The following RORB variants were observed in gnomAD, a reference collection of about 807,000 sequenced individuals.
The protein encoded by RORB is nuclear receptor ROR-beta.
RORB carries 6 observed loss-of-function variants against 59.1 expected under a neutral mutation model. The ratio of observed to expected loss-of-function variants is 0.10; its 90% CI spans 0.06 to 0.20. The LOEUF (loss-of-function observed/expected upper bound fraction) is 0.20, where lower values mean the gene tolerates loss of function less well. Ranked by LOEUF, RORB falls within the 10% of genes least tolerant of loss-of-function variation. The pLI is 1.00. For synonymous variants in RORB, 215 were observed against 204.5 expected, an observed-to-expected ratio of 1.05 and a Z score of -0.44; for missense variants, 320 against 560.5, an observed-to-expected ratio of 0.57 and a Z score of 4.33.
chr9:74,560,167 G>A (rs1218555193), intron 1 of RORB, among the ~76,000 whole-genome samples: 3 of 152,040 alleles, frequency 2.0e-5, no homozygotes, highest in Non-Finnish European at 4.4e-5. Context: ...CATACAATAC[G>A]TCGTTTAGGA....
intron 1 of RORB, among the ~76,000 whole-genome samples, chr9:74,576,784 A>G (rs1029946649): frequency 3.9e-5 from 6 of 152,122 alleles, no homozygotes; most frequent in Admixed American, 1.3e-4. Context: ...ACATTCTTAT[A>G]TAATAATGAT....
intron 1 of RORB, among the ~76,000 whole-genome samples, chr9:74,604,216 A>G (rs1489615079): frequency 2.0e-5 from 3 of 152,206 alleles, no homozygotes; most frequent in African/African-American, 7.2e-5. Context: ...ATATTATTTG[A>G]ATCCTTGCCT....
chr9:74,611,787 A>G (rs1223120203), intron 1 of RORB, among the ~76,000 whole-genome samples: 1 of 152,178 alleles, frequency 6.6e-6, no homozygotes, highest in African/African-American at 2.4e-5. Flanking sequence ...AGCTGAGATT[A>G]TAGGCACCCA....
intron 4 of RORB, among the ~76,000 whole-genome samples, chr9:74,651,054 G>A (rs1454668028): frequency 2.0e-5 from 3 of 152,182 alleles, no homozygotes; most frequent in South Asian, 2.1e-4. Flanking sequence ...TGACCCATTG[G>A]TTGTCCTTTG....
intron 1 of RORB, among the ~76,000 whole-genome samples, chr9:74,587,727 T>C (rs1822822916): frequency 6.6e-6 from 1 of 152,196 alleles, no homozygotes; most frequent in South Asian, 2.1e-4. Flanking sequence ...TCACATGTGA[T>C]CTTAGCATTC....
At chr9:74,514,804 A>G (rs4744718) in intron 1 of RORB, among the ~76,000 whole-genome samples, 46,257 of 151,124 alleles carry the variant, frequency 0.31, 7,488 homozygotes, top group Admixed American at 0.4. Flanking sequence ...GACCACAGTT[A>G]CTAGAATGAA....
Position 74,685,489 on chromosome 9 carries a change from G to A in RORB, c.1251G>A (p.Thr417=), listed in dbSNP as rs753124521. 12 of 1,612,018 alleles carry A rather than the reference G, an allele frequency of 7.4e-6. No homozygotes were observed. The highest frequency in any genetic ancestry group is 2.7e-5 in the African/African-American group (2 of 74,850). ...TAATAGCCAAGATACCAACCATCAC[G>A]GCAGTTTGCAACTTGCACGGGGAGA... The part of the protein sequence containing the change: ...AKLIAKIPTI[T]AVCNLHGEKL... The change falls in exon 10 of 10, where the codon ACG becomes ACA. Residue 417 remains threonine, a synonymous_variant. Transcript: ENST00000376896.
intron 3 of RORB, among the ~76,000 whole-genome samples, chr9:74,641,213 G>A (rs1249900594): frequency 1.4e-5 from 2 of 144,292 alleles, no homozygotes; most frequent in Non-Finnish European, 3.1e-5. Flanking sequence ...GACTCAGGAT[G>A]TTCACATCCT....
Position 74,618,304 on chromosome 9 carries a change from T to A in RORB, c.8-11978T>A, listed in dbSNP as rs191783201. On this transcript the variant is annotated intron_variant, in intron 1 of 9. Coordinates refer to ENST00000376896, the MANE Select transcript of RORB (RefSeq NM_006914.4). ...ATACAGGCAAATTGTTAAGATGTTA[T>A]GAACCAGTTAAAGTTACTATTAGAT... Among the ~76,000 whole-genome samples the A allele has an allele frequency of 4.3e-3, 265 of 61,674 alleles. 2 individuals carry two copies. The highest frequency in any genetic ancestry group is 9.8e-3 in the Middle Eastern group (1 of 102). 40.5% of individuals were successfully genotyped at this position (61,674 alleles called of 152,430 possible).
chr9:74,593,466 T>TAAAA (rs11343707), intron 1 of RORB, among the ~76,000 whole-genome samples: 4 of 124,818 alleles, frequency 3.2e-5, no homozygotes, highest in Admixed American at 1.6e-4. Context: ...AAACTCCATC[T>TAAAA]AAAAAAAAAA....
At position 74,603,833 on chromosome 9, in the gene RORB, G is replaced by A. The variant is rs549190431; in HGVS notation, c.8-26449G>A. Among the ~76,000 whole-genome samples, 9 of 152,316 alleles carry A rather than the reference G, an allele frequency of 5.9e-5. No individual in the cohort carries two copies. The South Asian group carries it at 1.9e-3, about 32-fold the overall frequency. On this transcript the variant is annotated intron_variant, in intron 1 of 9. Transcript: ENST00000376896. ...TGCCTGTGTGACACACAGAGAGCTG[G>A]AAATCCACTAGAAAGTGATAATGGG... is the stretch of plus-strand genomic sequence containing the variant.
At chr9:74,503,006 T>G (rs769285098) in intron 1 of RORB, among the ~76,000 whole-genome samples, 13 of 152,046 alleles carry the variant, frequency 8.6e-5, no homozygotes, top group Non-Finnish European at 1.3e-4. Context: ...AACAAAACAT[T>G]TATTGTGATG....
At chr9:74,628,465 C>T (rs1171984865) in intron 1 of RORB, among the ~76,000 whole-genome samples, 1 of 152,138 alleles carries the variant, frequency 6.6e-6, no homozygotes, top group South Asian at 2.1e-4. Context: ...ACCTCAAAAG[C>T]AGAACTTAAC....
In RORB at chr9:74,692,235, C is replaced by A. The variant is rs1387510545; in HGVS notation, c.*6617C>A. 2.6e-5 allele frequency: 4 copies of A among 152,164 alleles called. No individual in the cohort carries two copies. The highest frequency in any genetic ancestry group is 5.9e-5 in the Non-Finnish European group (4 of 68,026). 9.4% of individuals were successfully genotyped at this position (152,164 alleles called of 1,614,324 possible). Reference sequence around the variant, plus strand: ...CAAGGTGTCATGAGCTATAGCAACACAGGCAGGAGCAAGTTGTTGAAACTG... The same window carrying A: ...CAAGGTGTCATGAGCTATAGCAACAAAGGCAGGAGCAAGTTGTTGAAACTG... On this transcript the variant is annotated 3_prime_UTR_variant, in exon 10 of 10. Coordinates refer to ENST00000376896, the MANE Select transcript of RORB (RefSeq NM_006914.4).
chr9:74,564,572 T>C (rs1822442581), intron 1 of RORB, among the ~76,000 whole-genome samples: 1 of 152,216 alleles, frequency 6.6e-6, no homozygotes. Context: ...TCTTGGTTGC[T>C]CTGTTTTTCT....
intron 3 of RORB, among the ~76,000 whole-genome samples, chr9:74,640,243 T>C (rs986467352): frequency 3.9e-5 from 6 of 152,108 alleles, no homozygotes; most frequent in African/African-American, 1.4e-4. Flanking sequence ...GTTTGTTGTG[T>C]TTTGTTTTGT....
chr9:74,592,503 G>GC (rs1239842765), intron 1 of RORB, among the ~76,000 whole-genome samples: 1 of 152,106 alleles, frequency 6.6e-6, no homozygotes, highest in Non-Finnish European at 1.5e-5. Flanking sequence ...CCTCGAAATA[G>GC]TTGACTTACA....
At chr9:74,578,021 C>G (rs1822663683) in intron 1 of RORB, among the ~76,000 whole-genome samples, 1 of 151,252 alleles carries the variant, frequency 6.6e-6, no homozygotes, top group African/African-American at 2.4e-5. Flanking sequence ...TCCCTACCCA[C>G]CCTCCCATTT....
intron 1 of RORB, among the ~76,000 whole-genome samples, chr9:74,581,181 C>G (rs1166573028): frequency 1.3e-5 from 2 of 152,110 alleles, no homozygotes; most frequent in Non-Finnish European, 1.5e-5. Flanking sequence ...GAACCTCAAC[C>G]CTTTAAACCT....
Sources: allele counts gnomAD v4.1 joint callset (sites outside exome capture counted in the v4.1 genomes callset), GRCh38; gene constraint gnomAD v4.1.1; transcripts MANE v1.5; gene names NCBI Gene and HGNC (gene_info 2026-07-23, HGNC 2026-07-21).